The following ROR2 variants were observed in gnomAD, a reference collection of about 807,000 sequenced individuals.
ROR2 encodes tyrosine-protein kinase transmembrane receptor ROR2.
In ROR2, 33 loss-of-function variants were observed where a neutral mutation model predicts 74.9. That is an observed-to-expected ratio of 0.44 (90% CI 0.33 to 0.59). ROR2 has a LOEUF of 0.59. ROR2 is among the 20% of genes least tolerant of loss of function. The pLI is 0.02. For synonymous variants in ROR2, 586 were observed against 558.7 expected (o/e 1.05, Z -0.69); for missense variants, 1,216 against 1,313.8 (o/e 0.93, Z 1.15).
At chr9:91,932,893 G>A (rs1004935620) in intron 1 of ROR2, among the ~76,000 whole-genome samples, 1 of 152,190 alleles carries the variant, frequency 6.6e-6, no homozygotes, top group African/African-American at 2.4e-5. Flanking sequence ...GAAAATGCCA[G>A]ATGATTTCCA....
At chr9:91,767,821 T>C (rs1826106059) in intron 2 of ROR2, among the ~76,000 whole-genome samples, 1 of 151,964 alleles carries the variant, frequency 6.6e-6, no homozygotes, top group Non-Finnish European at 1.5e-5. Flanking sequence ...CACCTAAGAG[T>C]GTTTGTACCT....
In ROR2 at chr9:91,730,986, T is replaced by C. The variant is rs1837222039; in HGVS notation, c.1107A>G (p.Gly369=). ...GGGHAYCRNP[G]GQMEGPWCFT... is the part of the protein sequence containing the mutation. The stretch of plus-strand genomic sequence containing the variant: ...AGCACCAGGGGCCCTCCATCTGGCC[T>C]CCGGGGTTCCGGCAGTAGGCGTGCC... The change falls in exon 7 of 9, where the codon GGA becomes GGG. Residue 369 remains glycine, a synonymous_variant. Transcript: ENST00000375708. 4 of 1,614,158 alleles carry C rather than the reference T, an allele frequency of 2.5e-6. No homozygotes were observed. In the East Asian group the frequency reaches 8.9e-5, roughly 36 times the overall value.
intron 4 of ROR2, among the ~76,000 whole-genome samples, chr9:91,742,083 C>T (rs1454740945): frequency 6.6e-6 from 1 of 152,194 alleles, no homozygotes; most frequent in East Asian, 1.9e-4. Context: ...ATTGGACTTA[C>T]AGTTCCACAT....
At chr9:91,903,484 T>A (rs910618313) in intron 1 of ROR2, among the ~76,000 whole-genome samples, 10 of 152,032 alleles carry the variant, frequency 6.6e-5, no homozygotes, top group Admixed American at 2.0e-4. Flanking sequence ...CTTTTTTTTT[T>A]CTCCTCAAGT....
At position 91,730,900 on chromosome 9, in the gene ROR2, G is replaced by A. The variant is rs774978379; in HGVS notation, c.1183+10C>T. ...TCAACACATTAAAAAAAGAGAGAGA[G>A]AATACATACTACACGAGGGTACGTC... On this transcript the variant is annotated intron_variant, in intron 7 of 8. Coordinates refer to ENST00000375708, the MANE Select transcript of ROR2 (RefSeq NM_004560.4). The A allele has an allele frequency of 1.2e-6, 2 of 1,613,920 alleles. No individual in the cohort carries two copies. The highest frequency in any genetic ancestry group is 1.7e-6 in the Non-Finnish European group (2 of 1,180,024).
chr9:91,914,139 G>A (rs1831063502), intron 1 of ROR2, among the ~76,000 whole-genome samples: 2 of 152,088 alleles, frequency 1.3e-5, no homozygotes, highest in South Asian at 2.1e-4. Flanking sequence ...GCTGGGCCAC[G>A]CTCCACTGTC....
intron 2 of ROR2, among the ~76,000 whole-genome samples, chr9:91,768,230 C>T (rs1826119826): frequency 6.6e-6 from 1 of 152,194 alleles, no homozygotes; most frequent in African/African-American, 2.4e-5. Context: ...TGAGAGAAAA[C>T]ATTCTGATGT....
intron 4 of ROR2, among the ~76,000 whole-genome samples, chr9:91,743,017 A>G (rs1434355481): frequency 6.6e-6 from 1 of 152,246 alleles, no homozygotes; most frequent in African/African-American, 2.4e-5. Flanking sequence ...GCTGTACCAT[A>G]TAGCCTAGGT....
At chr9:91,909,923 C>T (rs1172157816) in intron 1 of ROR2, among the ~76,000 whole-genome samples, 5 of 120,704 alleles carry the variant, frequency 4.1e-5, no homozygotes, top group Middle Eastern at 7.9e-3. Context: ...AGTGCAGTGG[C>T]GCAATCCAGC....
intron 1 of ROR2, among the ~76,000 whole-genome samples, chr9:91,909,847 GTTTTTTTTTT>G (rs71362365): frequency 1.9e-5 from 1 of 53,598 alleles, no homozygotes; most frequent in Non-Finnish European, 3.1e-5. Context: ...GGTTTGTTTT[GTTTTTTTTTT>G]TTTTTTTTTT....
At chr9:91,836,466 G>A (rs1027051188) in intron 1 of ROR2, among the ~76,000 whole-genome samples, 14 of 151,676 alleles carry the variant, frequency 9.2e-5, no homozygotes, top group Admixed American at 5.3e-4. Flanking sequence ...CTTGAACCCA[G>A]GAGGCAGAGA....
rs749763608 is a variant in ROR2 at position 91,731,172 on chromosome 9, C to T, written c.938-17G>A. On this transcript the variant is annotated splice_polypyrimidine_tract_variant and intron_variant, in intron 6 of 8. Transcript: ENST00000375708. ...ACTGATGGTCTGAACAAGGAAAACACGTTAGGAAAACCTCCGGGGTACAAC... is the reference window on the plus strand; with the variant it reads ...ACTGATGGTCTGAACAAGGAAAACATGTTAGGAAAACCTCCGGGGTACAAC... 33 of 1,613,782 alleles carry T rather than the reference C, an allele frequency of 2.0e-5. No homozygotes were observed. Among genetic ancestry groups the T allele is most frequent in the Admixed American group, 1.3e-4 (8 of 60,000 alleles).
chr9:91,853,419 A>C (rs1391480514), intron 1 of ROR2, among the ~76,000 whole-genome samples: 1 of 152,182 alleles, frequency 6.6e-6, no homozygotes, highest in East Asian at 1.9e-4. Context: ...GTGAAGCAGA[A>C]GGTCCCGGGA....
At chr9:91,820,612 T>C (rs909264888) in intron 1 of ROR2, among the ~76,000 whole-genome samples, 8 of 152,000 alleles carry the variant, frequency 5.3e-5, no homozygotes, top group African/African-American at 1.9e-4. Context: ...TGTTTCACAG[T>C]CAGTGGGTTA....
At chr9:91,790,151 C>T (rs555258753) in intron 1 of ROR2, among the ~76,000 whole-genome samples, 7 of 152,258 alleles carry the variant, frequency 4.6e-5, no homozygotes, top group Admixed American at 3.9e-4. Context: ...TGATGCATTA[C>T]TCACAGGCTT....
At chr9:91,747,064 C>T (rs1007859710) in intron 4 of ROR2, among the ~76,000 whole-genome samples, 1 of 152,126 alleles carries the variant, frequency 6.6e-6, no homozygotes, top group Admixed American at 6.5e-5. Flanking sequence ...AAATGTGCCA[C>T]GTTTCAGCAG....
At chr9:91,876,745 T>C (rs1829965198) in intron 1 of ROR2, among the ~76,000 whole-genome samples, 1 of 151,858 alleles carries the variant, frequency 6.6e-6, no homozygotes, top group South Asian at 2.1e-4. Context: ...GAAATCAAAA[T>C]AGGATTCCAA....
chr9:91,840,199 G>T (rs561281325), intron 1 of ROR2, among the ~76,000 whole-genome samples: 1 of 152,182 alleles, frequency 6.6e-6, no homozygotes, highest in African/African-American at 2.4e-5. Context: ...GGAGGGACCC[G>T]GGAGAGCAAG....
At chr9:91,866,566 C>T (rs1477390669) in intron 1 of ROR2, among the ~76,000 whole-genome samples, 1 of 151,954 alleles carries the variant, frequency 6.6e-6, no homozygotes, top group Admixed American at 6.6e-5. Context: ...TACAGCTGCG[C>T]CACCACGCTT....
Sources: gnomAD v4.1 joint callset for allele counts (sites outside exome capture counted in the v4.1 genomes callset) on GRCh38, gnomAD v4.1.1 for gene constraint, MANE v1.5 for transcripts, NCBI Gene and HGNC (gene_info 2026-07-23, HGNC 2026-07-21) for gene names.